Variants in TTLL5 observed in about 807,000 individuals in gnomAD.
TTLL5 encodes tubulin tyrosine ligase like 5.
TTLL5 carries 132 observed loss-of-function variants against 168.4 expected under a neutral mutation model. That is an observed-to-expected ratio of 0.78 (90% CI 0.68 to 0.91). The LOEUF (loss-of-function observed/expected upper bound fraction) is 0.91. Ranked by LOEUF, TTLL5 falls within the 40% of genes least tolerant of loss-of-function variation. The probability of loss-of-function intolerance (pLI) is 0.00; values close to 1 mark genes in which losing one functional copy is unlikely to be tolerated. For synonymous variants in TTLL5, 546 were observed against 558.6 expected (o/e 0.98, Z 0.32); for missense variants, 1,545 against 1,581.5 (o/e 0.98, Z 0.39).
intron 31 of TTLL5, among the ~76,000 whole-genome samples, chr14:75,938,864 C>T (rs2034510155): frequency 6.6e-6 from 1 of 152,178 alleles, no homozygotes; most frequent in African/African-American, 2.4e-5. Context: ...ACAATATACA[C>T]TGGCCACTCT....
chr14:75,770,025 A>G (rs1371267754), intron 20 of TTLL5, among the ~76,000 whole-genome samples: 1 of 151,918 alleles, frequency 6.6e-6, no homozygotes, highest in East Asian at 1.9e-4. Context: ...TTAAAATACA[A>G]AAATTAGCTG....
intron 5 of TTLL5, among the ~76,000 whole-genome samples, chr14:75,687,012 T>C (rs775188793): frequency 7.2e-5 from 11 of 152,220 alleles, no homozygotes; most frequent in Non-Finnish European, 1.6e-4. Flanking sequence ...CCTGAAATTT[T>C]GGGTATATTT....
chr14:75,945,850 G>A (rs755148511), intron 31 of TTLL5, among the ~76,000 whole-genome samples: 3 of 152,216 alleles, frequency 2.0e-5, no homozygotes, highest in Non-Finnish European at 4.4e-5. Context: ...AAAGCAGCTG[G>A]AGGGAGTGGA....
Position 75,854,634 on chromosome 14 carries a change from T to C in TTLL5, c.3327-9033T>C, listed in dbSNP as rs143709154. Among the ~76,000 whole-genome samples, 834 of 152,324 alleles carry C rather than the reference T, an allele frequency of 5.5e-3. 6 individuals are homozygous for C. The highest frequency in any genetic ancestry group is 6.3e-3 in the Non-Finnish European group (431 of 68,022). On this transcript the variant is annotated intron_variant, in intron 28 of 31. Coordinates refer to ENST00000298832, the MANE Select transcript of TTLL5 (RefSeq NM_015072.5). Reference sequence around the variant, plus strand: ...CATCATTTTACACCCCCGTCAGCAATGTATGAAAGTTCTAGTTGCTCTTCA... The same window carrying C: ...CATCATTTTACACCCCCGTCAGCAACGTATGAAAGTTCTAGTTGCTCTTCA...
At chr14:75,811,329 C>A (rs1287185617) in intron 27 of TTLL5, among the ~76,000 whole-genome samples, 2 of 151,838 alleles carry the variant, frequency 1.3e-5, no homozygotes, top group Non-Finnish European at 2.9e-5. Context: ...CAAGGGCCTC[C>A]CCAAGCTGTT....
rs1262993606 is a variant in TTLL5, at chr14:75,669,529, A to G, written c.181+7A>G. 3 of 1,612,404 alleles carry G rather than the reference A, an allele frequency of 1.9e-6. No homozygotes were observed. In the East Asian group the frequency reaches 6.7e-5, roughly 36 times the overall value. ...AATATTAGAGTAATTGGAGGTGCGT[A>G]TAACCTCTCCCACAGAGGACGGAGC... On this transcript the variant is annotated splice_region_variant and intron_variant, in intron 3 of 31. Transcript: ENST00000298832.
intron 27 of TTLL5, among the ~76,000 whole-genome samples, chr14:75,801,941 G>A (rs921859696): frequency 6.6e-5 from 10 of 152,050 alleles, no homozygotes; most frequent in Admixed American, 1.3e-4. Flanking sequence ...CTGGAGTTAG[G>A]GCCTGAAAAC....
intron 31 of TTLL5, among the ~76,000 whole-genome samples, chr14:75,915,501 G>GACC (rs934510223): frequency 2.0e-5 from 3 of 152,186 alleles, no homozygotes; most frequent in African/African-American, 7.2e-5. Flanking sequence ...GATCATAACT[G>GACC]TGAAGTTAGA....
intron 27 of TTLL5, among the ~76,000 whole-genome samples, chr14:75,796,920 G>A (rs1893026916): frequency 6.6e-6 from 1 of 151,980 alleles, no homozygotes; most frequent in African/African-American, 2.4e-5. Flanking sequence ...CTCTTTTTTG[G>A]TTCCATATGA....
intron 6 of TTLL5, among the ~76,000 whole-genome samples, chr14:75,698,561 G>T (rs1402022301): frequency 6.6e-6 from 1 of 152,132 alleles, no homozygotes; most frequent in Non-Finnish European, 1.5e-5. Flanking sequence ...GACAGTAATA[G>T]ACTAACATCC....
At chr14:75,821,337 G>T (rs1346601703) in intron 28 of TTLL5, among the ~76,000 whole-genome samples, 1 of 152,144 alleles carries the variant, frequency 6.6e-6, no homozygotes. Flanking sequence ...CCTCCACACA[G>T]TTCTCTCCCC....
rs3138589 is a variant in TTLL5 at position 75,869,013 on chromosome 14, AGTGTGTGTGTGTGTGTGTGT to A, written c.3522+5182_3522+5201del. 2.7e-4 allele frequency among the ~76,000 whole-genome samples: 33 copies of A among 124,504 alleles called. No individual in the cohort carries two copies. The South Asian group carries it at 3.5e-3, about 13-fold the overall frequency. 81.7% of individuals were successfully genotyped at this position (124,504 alleles called of 152,430 possible). On this transcript the variant is annotated intron_variant, in intron 29 of 31. Transcript: ENST00000298832. ...TGGACTGGGGACATGAGAGGGGAGG[AGTGTGTGTGTGTGTGTGTGT>A]GTGTGTGTGTGTGTGTGTGTGTGTG...
rs762730947 is a variant in TTLL5 at position 75,735,233 on chromosome 14, C to T, written c.1225C>T (p.Arg409Trp). 8 of 1,614,096 alleles carry T rather than the reference C, an allele frequency of 5.0e-6. No homozygotes were observed. The highest frequency in any genetic ancestry group is 2.7e-5 in the African/African-American group (2 of 74,946). ...AGATCCTGCCCAGCGGGCATCAACT[C>T]GGCCAATTTATCCCACCTTTGAGTC... ...CQDPAQRAST[R>W]PIYPTFESSR... The change falls in exon 15 of 32, where the codon CGG becomes TGG. Residue 409 changes from arginine (R) to tryptophan (W), a missense_variant. Transcript: ENST00000298832.
chr14:75,949,322 T>C (rs1451453556), intron 31 of TTLL5, among the ~76,000 whole-genome samples: 1 of 150,402 alleles, frequency 6.6e-6, no homozygotes. Context: ...TACACATATA[T>C]ATAACCTTAC....
At chr14:75,849,113 T>C (rs1896710179) in intron 28 of TTLL5, among the ~76,000 whole-genome samples, 1 of 152,226 alleles carries the variant, frequency 6.6e-6, no homozygotes, top group Admixed American at 6.5e-5. Context: ...TTCCCAAATT[T>C]ATGTAATTGT....
intron 31 of TTLL5, among the ~76,000 whole-genome samples, chr14:75,954,207 C>A (rs534860291): frequency 3.0e-5 from 4 of 134,344 alleles, no homozygotes; most frequent in South Asian, 2.3e-4. Flanking sequence ...GAGCCGAGAT[C>A]GCGCCACTGC....
rs766217421 is a variant in TTLL5, at chr14:75,683,536, C to T, written c.265-14C>T. 1.2e-6 allele frequency: 2 copies of T among 1,602,318 alleles called. No homozygotes were observed. The highest frequency in any genetic ancestry group is 1.7e-5 in the Admixed American group (1 of 59,354). On this transcript the variant is annotated splice_polypyrimidine_tract_variant and intron_variant, in intron 4 of 31. Transcript: ENST00000298832. ...GATGTTTTTTTGCCTTCTTGTCTTT[C>T]TGTCTGCCCTCAGGTTCACCCAAGC...
chr14:75,756,511 CTT>C (rs34387037), intron 18 of TTLL5, among the ~76,000 whole-genome samples: 205 of 144,424 alleles, frequency 1.4e-3, no homozygotes, highest in Admixed American at 1.9e-3. Context: ...AAACTGGGGA[CTT>C]TTTTTTTTTT....
intron 31 of TTLL5, among the ~76,000 whole-genome samples, chr14:75,920,770 GGGATCGCT>G (rs2033798909): frequency 6.6e-6 from 1 of 152,178 alleles, no homozygotes; most frequent in Non-Finnish European, 1.5e-5. Flanking sequence ...ACCCAGTAAT[GGGATCGCT>G]GGATCAAATG....
Sources: allele counts gnomAD v4.1 joint callset (sites outside exome capture counted in the v4.1 genomes callset), GRCh38; gene constraint gnomAD v4.1.1; transcripts MANE v1.5; gene names NCBI Gene and HGNC (gene_info 2026-07-23, HGNC 2026-07-21).